The following STK31 variants were observed in gnomAD, a reference collection of about 807,000 sequenced individuals.
The protein encoded by STK31 is serine/threonine kinase 31.
STK31 carries 89 observed loss-of-function variants against 129.7 expected under a neutral mutation model. The ratio of observed to expected loss-of-function variants is 0.69; its 90% CI spans 0.58 to 0.82. STK31 has a LOEUF of 0.82. STK31 is among the 40% of genes least tolerant of loss of function. The pLI is 0.00. For synonymous variants in STK31, 448 were observed against 395.3 expected (o/e 1.13, Z -1.58); for missense variants, 1,187 against 1,176.4 (o/e 1.01, Z -0.13).
intron 22 of STK31, among the ~76,000 whole-genome samples, chr7:23,797,233 A>G (rs1336672853): frequency 2.0e-4 from 30 of 152,214 alleles, no homozygotes. Context: ...AAGGATATTC[A>G]GGACTTGAAC....
intron 10 of STK31, among the ~76,000 whole-genome samples, chr7:23,762,165 C>T (rs1238467745): frequency 1.3e-5 from 2 of 151,438 alleles, no homozygotes; most frequent in African/African-American, 4.9e-5. Context: ...ATACATGTGC[C>T]ATGCTGCTGT....
At chr7:23,772,353 G>T in intron 15 of STK31, 75 bp downstream of exon 15, 1 of 1,432,888 alleles carries the variant, frequency 7.0e-7, no homozygotes, top group Non-Finnish European at 9.5e-7. Context: ...TAAAAATAAT[G>T]CATAAATACA....
intron 8 of STK31, among the ~76,000 whole-genome samples, chr7:23,747,496 A>G (rs1476971765): frequency 6.6e-6 from 1 of 151,992 alleles, no homozygotes; most frequent in African/African-American, 2.4e-5. Context: ...CAGCCTCCCA[A>G]GCAGCTGGGA....
At chr7:23,778,166 C>T (rs964234941) in intron 15 of STK31, among the ~76,000 whole-genome samples, 1 of 152,172 alleles carries the variant, frequency 6.6e-6, no homozygotes, top group Non-Finnish European at 1.5e-5. Flanking sequence ...TATTGGCCCC[C>T]ACTCTCTTCT....
At chr7:23,794,417 C>T (rs1562608495) in intron 22 of STK31, among the ~76,000 whole-genome samples, 1 of 152,284 alleles carries the variant, frequency 6.6e-6, no homozygotes, top group East Asian at 1.9e-4. Flanking sequence ...GTCAATTAAA[C>T]CTCTTTCCTT....
At chr7:23,786,358 C>CCA in intron 18 of STK31, 150 bp from the exon 19 acceptor site, 1 of 844,790 alleles carries the variant, frequency 1.2e-6, no homozygotes, top group Middle Eastern at 4.4e-4. Flanking sequence ...TTATAGCATT[C>CCA]AAAGAAGATA....
At chr7:23,813,847 G>A (rs1793303269) in intron 22 of STK31, among the ~76,000 whole-genome samples, 2 of 152,008 alleles carry the variant, frequency 1.3e-5, no homozygotes, top group Non-Finnish European at 2.9e-5. Flanking sequence ...GTTATGGTGG[G>A]ATCCCCCTAC....
intron 6 of STK31, among the ~76,000 whole-genome samples, chr7:23,731,175 G>T (rs1232154684): frequency 1.3e-5 from 2 of 151,634 alleles, no homozygotes; most frequent in African/African-American, 2.4e-5. Context: ...TGAGCCACCC[G>T]GCTAAACATT....
chr7:23,815,766 A>G (rs548294332), intron 23 of STK31, among the ~76,000 whole-genome samples: 1 of 152,260 alleles, frequency 6.6e-6, no homozygotes, highest in Admixed American at 6.5e-5. Context: ...TTGTATTAAA[A>G]TATCTCATGT....
Position 23,786,370 on chromosome 7 carries a change from A to G in STK31, c.2275-138A>G, listed in dbSNP as rs761593894. On this transcript the variant is annotated intron_variant, in intron 18 of 23. Coordinates refer to ENST00000355870, the MANE Select transcript of STK31 (RefSeq NM_031414.5). ...AAATTATAGCATTCAAAGAAGATAG[A>G]AAAGTACTTATAAAATTAAAAAATA... 119 of 947,542 alleles carry G rather than the reference A, an allele frequency of 1.3e-4. 1 individual carries two copies. Among genetic ancestry groups the G allele is most frequent in the Non-Finnish European group, 1.4e-4 (104 of 719,386 alleles). The allele number at this position is 947,542 out of a possible 1,614,324, so 58.7% of individuals were successfully genotyped here. A position where few individuals can be genotyped will look rare whatever the true frequency, so the allele number is the denominator to read the frequency against.
intron 22 of STK31, among the ~76,000 whole-genome samples, chr7:23,812,739 C>T (rs1396981029): frequency 6.6e-6 from 1 of 151,952 alleles, no homozygotes; most frequent in East Asian, 1.9e-4. Flanking sequence ...TTTTATTTAG[C>T]TCCTACTTAT....
chr7:23,723,633 A>G (rs1028702336), intron 4 of STK31, among the ~76,000 whole-genome samples: 2 of 152,206 alleles, frequency 1.3e-5, no homozygotes, highest in Non-Finnish European at 2.9e-5. Flanking sequence ...AGTGATCTAA[A>G]TGGTTCTCTC....
chr7:23,782,278 G>T (rs201145445), intron 16 of STK31, among the ~76,000 whole-genome samples: 1 of 151,706 alleles, frequency 6.6e-6, no homozygotes, highest in South Asian at 2.1e-4. Flanking sequence ...TTTGAGACCA[G>T]CTTGGGCACA....
Position 23,769,680 on chromosome 7 carries a change from A to G in STK31, c.1637A>G (p.Asp546Gly). Residue 546 changes from aspartate (D) to glycine (G), a missense_variant, in exon 13 of 24, where the codon GAC (aspartate) becomes GGC (glycine). Asp to Gly is a moderately conservative substitution (Grantham distance 94). Transcript: ENST00000355870. ...LSVEGSLISE[D>G]AMDNIDEILE... Reference sequence around the variant, plus strand: ...GTGGAAGGATCACTGATTTCAGAAGACGCAATGGATAATATTGATGAAATC... The same window carrying G: ...GTGGAAGGATCACTGATTTCAGAAGGCGCAATGGATAATATTGATGAAATC... 1 of 1,612,192 alleles carries G rather than the reference A, an allele frequency of 6.2e-7. No individual in the cohort carries two copies. Among genetic ancestry groups the G allele is most frequent in the Non-Finnish European group, 8.5e-7 (1 of 1,178,938 alleles).
At chr7:23,826,468 C>T (rs1331333790) in intron 23 of STK31, among the ~76,000 whole-genome samples, 1 of 152,092 alleles carries the variant, frequency 6.6e-6, no homozygotes, top group Admixed American at 6.6e-5. Flanking sequence ...TTCCTCCATC[C>T]CTTTATTTTG....
In STK31 at chr7:23,780,480, A is replaced by G. The variant is rs552307517; in HGVS notation, c.1966-939A>G. Among the ~76,000 whole-genome samples the G allele has an allele frequency of 3.8e-4, 58 of 152,312 alleles. No individual in the cohort carries two copies. In the Middle Eastern group the frequency reaches 0.014, roughly 36 times the overall value. ...GGGAAAGGATGGATACTGGGGAAAGAGGAAGAAATTTTAAAAAGATGTGAG... is the reference window on the plus strand; with the variant it reads ...GGGAAAGGATGGATACTGGGGAAAGGGGAAGAAATTTTAAAAAGATGTGAG... On this transcript the variant is annotated intron_variant, in intron 15 of 23. Transcript: ENST00000355870.
chr7:23,803,854 T>C (rs1210475769), intron 22 of STK31, among the ~76,000 whole-genome samples: 1 of 152,226 alleles, frequency 6.6e-6, no homozygotes, highest in Non-Finnish European at 1.5e-5. Context: ...CTGAAATACA[T>C]GGACTATAGT....
At chr7:23,757,562 A>G (rs1286792530) in intron 10 of STK31, among the ~76,000 whole-genome samples, 1 of 152,128 alleles carries the variant, frequency 6.6e-6, no homozygotes. Context: ...GGTGCATTAA[A>G]GAGTAGTATT....
chr7:23,764,822 TC>T (rs941078148), intron 11 of STK31, among the ~76,000 whole-genome samples: 6 of 151,950 alleles, frequency 3.9e-5, no homozygotes, highest in Admixed American at 2.0e-4. Flanking sequence ...AAAATGTGTA[TC>T]CCCCCCATGA....
Sources: allele counts gnomAD v4.1 joint callset (sites outside exome capture counted in the v4.1 genomes callset), GRCh38; gene constraint gnomAD v4.1.1; transcripts MANE v1.5; gene names NCBI Gene and HGNC (gene_info 2026-07-23, HGNC 2026-07-21).